The following SLC51B variants were observed in gnomAD, a reference collection of about 807,000 sequenced individuals.
The protein encoded by SLC51B is organic solute transporter subunit beta.
A neutral mutation model predicts 8.0 loss-of-function variants in SLC51B; 6 were observed. That is an observed-to-expected ratio of 0.75 (90% CI 0.41 to 1.48). The LOEUF is 1.48. Ranked by LOEUF, SLC51B falls within the 40% of genes most tolerant of loss-of-function variation. The pLI is 0.01. For missense variants in SLC51B, 150 were observed against 149.7 expected (o/e 1.00, Z -0.01); for synonymous variants, 61 against 54.8 (o/e 1.11, Z -0.50).
At chr15:65,049,795 T>TG in intron 1 of SLC51B, 102 bp from the exon 2 acceptor site, 1 of 431,118 alleles carries the variant, frequency 2.3e-6, no homozygotes, top group Non-Finnish European at 4.2e-6. Context: ...GTTCGGGTCG[T>TG]TTTTGTCCCA....
At chr15:65,046,793 G>A (rs1038187135) in intron 1 of SLC51B, among the ~76,000 whole-genome samples, 57 of 151,802 alleles carry the variant, frequency 3.8e-4, no homozygotes, top group African/African-American at 1.2e-3. Flanking sequence ...CATGCCTGTT[G>A]TACCAGCTGC....
At chr15:65,052,865 C>A in intron 3 of SLC51B, 101 bp from the exon 4 acceptor site, 1 of 1,056,932 alleles carries the variant, frequency 9.5e-7, no homozygotes, top group Non-Finnish European at 1.4e-6. Flanking sequence ...TCCCAAACTG[C>A]ATAGAGAATT....
intron 3 of SLC51B, 100 bp downstream of exon 3, chr15:65,051,705 T>C: frequency 1.9e-6 from 2 of 1,071,330 alleles, no homozygotes; most frequent in Non-Finnish European, 2.8e-6. Flanking sequence ...GGGTCATTGC[T>C]GTCCACCCTT....
At chr15:65,048,164 G>A (rs1207687603) in intron 1 of SLC51B, among the ~76,000 whole-genome samples, 18 of 149,708 alleles carry the variant, frequency 1.2e-4, no homozygotes, top group African/African-American at 4.0e-4. Context: ...CTGGGCGACA[G>A]AGCAAGACTC....
rs1048878741 is a variant in SLC51B at position 65,050,011 on chromosome 15, C to T, written c.7C>T (p.His3Tyr). The T allele has an allele frequency of 1.9e-6, 3 of 1,550,986 alleles. No homozygotes were observed. Among genetic ancestry groups the T allele is most frequent in the Middle Eastern group, 3.3e-4 (2 of 5,990 alleles). ME[H>Y]SEGAPGDPAG... Reference sequence around the variant, plus strand: ...CGCTACCAGGAGCAGGGGCATGGAGCACAGTGAGGGGGCTCCCGGAGACCC... The same window carrying T: ...CGCTACCAGGAGCAGGGGCATGGAGTACAGTGAGGGGGCTCCCGGAGACCC... The change falls in exon 2 of 4, where the codon CAC becomes TAC. Residue 3 changes from histidine (H) to tyrosine (Y), a missense_variant. By Grantham distance (83) the His-to-Tyr change is moderately conservative. Coordinates refer to ENST00000334287, the MANE Select transcript of SLC51B (RefSeq NM_178859.4).
chr15:65,047,239 G>C (rs972360035), intron 1 of SLC51B, among the ~76,000 whole-genome samples: 1 of 151,754 alleles, frequency 6.6e-6, no homozygotes, highest in Non-Finnish European at 1.5e-5. Flanking sequence ...AGGAGGCTGA[G>C]GCAAGAGAAT....
chr15:65,050,482 A>C (rs970364333), intron 2 of SLC51B, among the ~76,000 whole-genome samples: 1 of 152,264 alleles, frequency 6.6e-6, no homozygotes, highest in African/African-American at 2.4e-5. Flanking sequence ...ATGAGTAATA[A>C]AAAGAAAAAT....
At chr15:65,050,836 C>CTTTTTTTTTTTTTTTTTTTTTTTTTTT (rs57404080) in intron 2 of SLC51B, among the ~76,000 whole-genome samples, 1 of 95,650 alleles carries the variant, frequency 1.0e-5, no homozygotes, top group Non-Finnish European at 1.9e-5. Context: ...TCTTCTTCTT[C>CTTTTTTTTTTTTTTTTTTTTTTTTTTT]TTTTTTTTTT....
chr15:65,048,023 A>T (rs574239859), intron 1 of SLC51B, among the ~76,000 whole-genome samples: 2 of 152,198 alleles, frequency 1.3e-5, no homozygotes, highest in African/African-American at 4.8e-5. Context: ...TACTAAAAAT[A>T]CAAAAATTAG....
Position 65,053,135 on chromosome 15 carries a change from C to T in SLC51B, c.358C>T (p.Leu120Phe), listed in dbSNP as rs2086677955. Residue 120 changes from leucine to phenylalanine, a missense_variant, in exon 4 of 4, where the codon CTT becomes TTT. Physicochemically the swap from Leu to Phe is conservative, Grantham distance 22. Transcript: ENST00000334287. The part of the protein sequence containing the change: ...LKERDVLSVF[L>F]PDVPETES ...AGAGAGAGATGTGCTGTCAGTTTTCCTTCCGGATGTACCAGAAACTGAGAG... is the reference window on the plus strand; with the variant it reads ...AGAGAGAGATGTGCTGTCAGTTTTCTTTCCGGATGTACCAGAAACTGAGAG... 1.2e-6 allele frequency: 2 copies of T among 1,614,128 alleles called. No individual in the cohort carries two copies. Among genetic ancestry groups the T allele is most frequent in the East Asian group, 4.5e-5 (2 of 44,880 alleles).
chr15:65,048,185 GAAA>G (rs1566949973), intron 1 of SLC51B, among the ~76,000 whole-genome samples: 1 of 95,392 alleles, frequency 1.0e-5, no homozygotes, highest in East Asian at 5.4e-4. Flanking sequence ...CGTCTCAAAA[GAAA>G]AAAAAAGAAA....
intron 1 of SLC51B, among the ~76,000 whole-genome samples, chr15:65,047,336 CAA>C (rs893014231): frequency 8.1e-6 from 1 of 122,940 alleles, no homozygotes; most frequent in Non-Finnish European, 1.8e-5. Flanking sequence ...AACTCCATCT[CAA>C]AAAAAAAAAA....
chr15:65,050,833 C>CTTTTTTTTTTTTT (rs67418433), intron 2 of SLC51B, among the ~76,000 whole-genome samples: 77 of 88,598 alleles, frequency 8.7e-4, no homozygotes, highest in African/African-American at 1.4e-3. Flanking sequence ...TCTTCTTCTT[C>CTTTTTTTTTTTTT]TTCTTTTTTT....
At chr15:65,045,646 A>G (rs193003561) in intron 1 of SLC51B, 64 bp downstream of exon 1, 3 of 152,258 alleles carry the variant, frequency 2.0e-5, no homozygotes, top group Non-Finnish European at 2.9e-5. Context: ...TCACAGTCCA[A>G]TGGCACGATG....
chr15:65,052,679 G>C (rs1258297158), intron 3 of SLC51B, among the ~76,000 whole-genome samples: 1 of 152,102 alleles, frequency 6.6e-6, no homozygotes, highest in Admixed American at 6.5e-5. Context: ...TTACAGGTGT[G>C]AGCCACTGCA....
In SLC51B at chr15:65,053,182, C is replaced by A. The variant is rs2086678766; in HGVS notation, c.*18C>A. ...AGAGCTAGTGAGGGTTCAGAGAAGC[C>A]CCATCCTAAGCCAGACACATGATGT... On this transcript the variant is annotated 3_prime_UTR_variant, in exon 4 of 4. Coordinates refer to ENST00000334287, the MANE Select transcript of SLC51B (RefSeq NM_178859.4). 1.2e-6 allele frequency: 2 copies of A among 1,612,826 alleles called. No homozygotes were observed. Among genetic ancestry groups the A allele is most frequent in the African/African-American group, 2.7e-5 (2 of 75,028 alleles).
chr15:65,047,415 A>G (rs973816871), intron 1 of SLC51B, among the ~76,000 whole-genome samples: 1 of 152,202 alleles, frequency 6.6e-6, no homozygotes, highest in Non-Finnish European at 1.5e-5. Flanking sequence ...AATTACATGT[A>G]TTGTTCTCAT....
Position 65,049,924 on chromosome 15 carries a change from G to T in SLC51B, c.-81G>T. 9.1e-7 allele frequency: 1 copy of T among 1,101,880 alleles called. No homozygotes were observed. The highest frequency in any genetic ancestry group is 1.5e-5 in the South Asian group (1 of 65,438). 68.3% of individuals were successfully genotyped at this position (1,101,880 alleles called of 1,614,324 possible). A position where few individuals can be genotyped will look rare whatever the true frequency, so the allele number is the denominator to read the frequency against. On this transcript the variant is annotated 5_prime_UTR_variant, in exon 2 of 4. Coordinates refer to ENST00000334287, the MANE Select transcript of SLC51B (RefSeq NM_178859.4). The stretch of plus-strand genomic sequence containing the variant: ...GTCTTCACGGCTTCTCTGCCCAGGG[G>T]CCAGAACCGAGGAGGCCAGGAGGGC...
At chr15:65,051,649 A>G in intron 3 of SLC51B, 44 bp downstream of exon 3, 6 of 1,580,360 alleles carry the variant, frequency 3.8e-6, no homozygotes, top group Non-Finnish European at 4.3e-6. Context: ...TCTGTGGGGT[A>G]GAGGCCCTGC....
Sources: allele counts gnomAD v4.1 joint callset (sites outside exome capture counted in the v4.1 genomes callset), GRCh38; gene constraint gnomAD v4.1.1; transcripts MANE v1.5; gene names NCBI Gene and HGNC (gene_info 2026-07-23, HGNC 2026-07-21).